AK9: variants seen among roughly 807,000 people sequenced by gnomAD.
The protein encoded by AK9 is adenylate kinase domain containing 1.
A neutral mutation model predicts 239.6 loss-of-function variants in AK9; 191 were observed. The ratio of observed to expected loss-of-function variants is 0.80; its 90% CI spans 0.71 to 0.90. The LOEUF (loss-of-function observed/expected upper bound fraction) is 0.90. AK9 is among the 40% of genes least tolerant of loss of function. The pLI is 0.00. For missense variants in AK9, 1,995 were observed against 2,214.7 expected (o/e 0.90, Z 1.99); for synonymous variants, 689 against 721.0 (o/e 0.96, Z 0.71).
At chr6:109,665,012 C>T (rs1373024744) in intron 5 of AK9, among the ~76,000 whole-genome samples, 1 of 152,096 alleles carries the variant, frequency 6.6e-6, no homozygotes, top group Non-Finnish European at 1.5e-5. Context: ...TGCACTCCAG[C>T]CTGGGCAACA....
At chr6:109,499,760 G>A (rs1024046819) in intron 35 of AK9, among the ~76,000 whole-genome samples, 3 of 151,996 alleles carry the variant, frequency 2.0e-5, no homozygotes, top group African/African-American at 4.8e-5. Flanking sequence ...CATCACAGAC[G>A]GCTAATTTTT....
chr6:109,655,227 T>G (rs77511099), intron 8 of AK9, among the ~76,000 whole-genome samples: 9 of 152,216 alleles, frequency 5.9e-5, no homozygotes, highest in African/African-American at 2.2e-4. Flanking sequence ...TCTTACTACC[T>G]GTTCATCTTT....
chr6:109,600,373 A>T (rs1366464121), intron 17 of AK9, among the ~76,000 whole-genome samples: 1 of 152,164 alleles, frequency 6.6e-6, no homozygotes, highest in African/African-American at 2.4e-5. Context: ...TATATGCTGG[A>T]TCATGCTTAT....
Position 109,533,365 on chromosome 6 carries a change from A to G in AK9, c.3456T>C (p.Asp1152=). Residue 1152 remains aspartate, a synonymous_variant, in exon 28 of 41, where the codon GAT becomes GAC. Transcript: ENST00000424296. ...GGAGGCGATCAAAAATATCTTGATC[A>G]TCAACTTGTATAAAAACAGCTGCAT... ...FPDAAVFIQV[D]DQDIFDRLLP... is the part of the protein sequence containing the mutation. 6.2e-7 allele frequency: 1 copy of G among 1,611,476 alleles called. No homozygotes were observed. The highest frequency in any genetic ancestry group is 8.5e-7 in the Non-Finnish European group (1 of 1,178,874).
At chr6:109,590,115 T>C (rs371326534) in intron 17 of AK9, among the ~76,000 whole-genome samples, 10 of 152,208 alleles carry the variant, frequency 6.6e-5, no homozygotes, top group African/African-American at 1.9e-4. Flanking sequence ...CTCCTTGATG[T>C]TTTGGAACAG....
At chr6:109,652,723 T>A (rs1373294450) in intron 8 of AK9, among the ~76,000 whole-genome samples, 2 of 152,178 alleles carry the variant, frequency 1.3e-5, no homozygotes, top group Non-Finnish European at 2.9e-5. Flanking sequence ...CTGCAACCAG[T>A]GAAGGAATGC....
intron 27 of AK9, among the ~76,000 whole-genome samples, chr6:109,540,309 C>T (rs1213028289): frequency 6.6e-6 from 1 of 152,158 alleles, no homozygotes; most frequent in East Asian, 1.9e-4. Flanking sequence ...ATGGTGGGTG[C>T]CCCTCCCCCA....
intron 32 of AK9, 73 bp downstream of exon 32, chr6:109,514,151 T>C (rs1779024916): frequency 4.4e-6 from 6 of 1,363,804 alleles, no homozygotes; most frequent in Non-Finnish European, 6.0e-6. Context: ...CTTGGTGAAT[T>C]GACCTGCCAT....
At chr6:109,671,714 T>C (rs1394201190) in intron 5 of AK9, among the ~76,000 whole-genome samples, 2 of 144,226 alleles carry the variant, frequency 1.4e-5, no homozygotes, top group African/African-American at 2.5e-5. Flanking sequence ...GATTGGGTCA[T>C]ATAAACTTAT....
rs1401922353 is a variant in AK9 at position 109,507,417 on chromosome 6, G to A, written c.4482-617C>T. ...GTGAGGAGGCTGGGAGTGCAGCTGG[G>A]GGAGAGTTGGTGAGAGTGGCCCTAT... On this transcript the variant is annotated intron_variant, in intron 33 of 40. Coordinates refer to ENST00000424296, the MANE Select transcript of AK9 (RefSeq NM_001145128.3). Among the ~76,000 whole-genome samples the A allele has an allele frequency of 2.0e-5, 3 of 152,130 alleles. No individual in the cohort carries two copies. The East Asian group carries it at 5.8e-4, about 29-fold the overall frequency.
At chr6:109,509,663 C>A (rs571459245) in intron 32 of AK9, among the ~76,000 whole-genome samples, 11 of 152,070 alleles carry the variant, frequency 7.2e-5, no homozygotes, top group Non-Finnish European at 1.2e-4. Flanking sequence ...TGGGTCTGAG[C>A]CTCCCTGTGC....
chr6:109,650,498 C>G (rs891050943), intron 8 of AK9, among the ~76,000 whole-genome samples: 1 of 151,014 alleles, frequency 6.6e-6, no homozygotes, highest in Non-Finnish European at 1.5e-5. Flanking sequence ...CATCACTGGC[C>G]GTCCAAGAAA....
intron 10 of AK9, among the ~76,000 whole-genome samples, chr6:109,639,688 A>G (rs900433204): frequency 1.3e-5 from 2 of 152,074 alleles, no homozygotes; most frequent in African/African-American, 4.8e-5. Context: ...TTTTGTTGCC[A>G]TTGCTTTTGG....
At chr6:109,532,454 T>C (rs968286460) in intron 28 of AK9, among the ~76,000 whole-genome samples, 1 of 152,190 alleles carries the variant, frequency 6.6e-6, no homozygotes, top group South Asian at 2.1e-4. Context: ...CAGCCTAGAC[T>C]TACAGGTTTG....
intron 3 of AK9, among the ~76,000 whole-genome samples, chr6:109,673,900 A>C (rs547518813): frequency 6.6e-6 from 1 of 151,920 alleles, no homozygotes; most frequent in Non-Finnish European, 1.5e-5. Flanking sequence ...TTGGGAGGCC[A>C]AGGTGGGAAG....
At chr6:109,569,884 G>C (rs1031671828) in intron 21 of AK9, among the ~76,000 whole-genome samples, 2 of 152,110 alleles carry the variant, frequency 1.3e-5, no homozygotes, top group Non-Finnish European at 2.9e-5. Context: ...ATTCCTCAAG[G>C]ATCTAGAACT....
chr6:109,544,761 G>A lies in AK9; in HGVS notation c.3225+1106C>T, dbSNP rs569148784. 1.4e-4 allele frequency among the ~76,000 whole-genome samples: 22 copies of A among 152,292 alleles called. No homozygotes were observed. In the South Asian group the frequency reaches 4.6e-3, roughly 32 times the overall value. The stretch of plus-strand genomic sequence containing the variant: ...AGCAACGAGAGAACAGATTAATACA[G>A]TACAAACTTTCTGGTAAGACATCAT... On this transcript the variant is annotated intron_variant, in intron 26 of 40. Transcript: ENST00000424296.
intron 26 of AK9, among the ~76,000 whole-genome samples, chr6:109,545,650 T>C (rs937869516): frequency 2.6e-5 from 4 of 152,094 alleles, no homozygotes; most frequent in African/African-American, 9.7e-5. Flanking sequence ...CTTTTGTAAA[T>C]TGCCTGGTCT....
intron 6 of AK9, among the ~76,000 whole-genome samples, chr6:109,659,639 G>A (rs2128315689): frequency 6.6e-6 from 1 of 152,120 alleles, no homozygotes; most frequent in Non-Finnish European, 1.5e-5. Context: ...ATTAATATAG[G>A]TGAAAAAGTA....
Sources: gnomAD v4.1 joint callset for allele counts (sites outside exome capture counted in the v4.1 genomes callset) on GRCh38, gnomAD v4.1.1 for gene constraint, MANE v1.5 for transcripts, NCBI Gene and HGNC (gene_info 2026-07-23, HGNC 2026-07-21) for gene names.